LRRC3B: variants seen among roughly 807,000 people sequenced by gnomAD.
LRRC3B encodes leucine rich repeat containing 3B.
Under a neutral mutation model 12.8 loss-of-function variants are expected in LRRC3B, and 2 were observed. The ratio of observed to expected loss-of-function variants is 0.16; its 90% confidence interval spans 0.06 to 0.49. The LOEUF is 0.49. Among genes scored for constraint, LRRC3B ranks in the 20% least tolerant of loss-of-function variants. The pLI is 0.96. For missense variants in LRRC3B, 189 were observed against 319.4 expected, an observed-to-expected ratio of 0.59 and a Z score of 3.11; for synonymous variants, 132 against 122.0, an observed-to-expected ratio of 1.08 and a Z score of -0.54.
chr3:26,685,911 G>T (rs1700078449), intron 1 of LRRC3B, among the ~76,000 whole-genome samples: 1 of 151,866 alleles, frequency 6.6e-6, no homozygotes, highest in African/African-American at 2.4e-5. Flanking sequence ...TCTTTTTCTG[G>T]TGGCAAACAT....
intron 1 of LRRC3B, among the ~76,000 whole-genome samples, chr3:26,686,045 C>T (rs898870235): frequency 1.3e-5 from 2 of 152,048 alleles, no homozygotes; most frequent in Admixed American, 1.3e-4. Context: ...ATAGACTATA[C>T]CCCTTGCTTT....
intron 1 of LRRC3B, among the ~76,000 whole-genome samples, chr3:26,671,233 T>C (rs1449644078): frequency 1.4e-5 from 2 of 145,328 alleles, no homozygotes; most frequent in Non-Finnish European, 3.0e-5. Flanking sequence ...GCCGGGATGG[T>C]CTCGATCTCC....
intron 1 of LRRC3B, among the ~76,000 whole-genome samples, chr3:26,627,974 G>T (rs983643410): frequency 6.6e-6 from 1 of 152,276 alleles, no homozygotes; most frequent in African/African-American, 2.4e-5. Flanking sequence ...GGAATCCTTT[G>T]GAACCTGGGC....
At chr3:26,676,564 A>ACAAT (rs1437464204) in intron 1 of LRRC3B, among the ~76,000 whole-genome samples, 3 of 152,132 alleles carry the variant, frequency 2.0e-5, no homozygotes, top group African/African-American at 7.2e-5. Flanking sequence ...AGTTAGAATG[A>ACAAT]CAATCATTAA....
rs1265817897 is a variant in LRRC3B, at chr3:26,640,466, C to T, written c.-161+17229C>T. Among the ~76,000 whole-genome samples the T allele has an allele frequency of 4.4e-5, 6 of 136,184 alleles. No individual in the cohort carries two copies. In the South Asian group the frequency reaches 1.4e-3, roughly 32 times the overall value. The allele number at this position is 136,184 out of a possible 152,430, so 89.3% of individuals were successfully genotyped here. ...AACCCAAAAAACAAAAACAAACAAACAAATGAAAACGCTGCTTTATGCAGA... is the reference window on the plus strand; with the variant it reads ...AACCCAAAAAACAAAAACAAACAAATAAATGAAAACGCTGCTTTATGCAGA... On this transcript the variant is annotated intron_variant, in intron 1 of 1. Transcript: ENST00000396641.
At chr3:26,679,735 G>A (rs1699931705) in intron 1 of LRRC3B, among the ~76,000 whole-genome samples, 2 of 152,152 alleles carry the variant, frequency 1.3e-5, no homozygotes, top group South Asian at 2.1e-4. Context: ...TCCTCCACCA[G>A]AATGTGGAGC....
intron 1 of LRRC3B, among the ~76,000 whole-genome samples, chr3:26,631,214 G>C (rs1399633191): frequency 6.6e-6 from 1 of 152,086 alleles, no homozygotes; most frequent in Admixed American, 6.5e-5. Flanking sequence ...ATGAACATTC[G>C]CTTGTGTTTT....
At chr3:26,671,537 G>A (rs1020849146) in intron 1 of LRRC3B, among the ~76,000 whole-genome samples, 14 of 150,536 alleles carry the variant, frequency 9.3e-5, no homozygotes, top group South Asian at 6.3e-4. Flanking sequence ...GACTACAGGC[G>A]CGCGCCACCA....
At chr3:26,703,870 T>C (rs1273757630) in intron 1 of LRRC3B, among the ~76,000 whole-genome samples, 1 of 152,104 alleles carries the variant, frequency 6.6e-6, no homozygotes, top group Non-Finnish European at 1.5e-5. Flanking sequence ...TTTCATGCAC[T>C]GAATAGTTGC....
At chr3:26,685,523 C>CTATATATATATA (rs57407254) in intron 1 of LRRC3B, among the ~76,000 whole-genome samples, 3 of 38,316 alleles carry the variant, frequency 7.8e-5, no homozygotes, top group Admixed American at 4.5e-4. Flanking sequence ...CTCTCTCTCT[C>CTATATATATATA]TATATATATA....
chr3:26,670,960 A>G (rs188341160), intron 1 of LRRC3B, among the ~76,000 whole-genome samples: 1 of 151,398 alleles, frequency 6.6e-6, no homozygotes, highest in East Asian at 2.0e-4. Context: ...CATTTGCATA[A>G]TACTATACTC....
intron 1 of LRRC3B, among the ~76,000 whole-genome samples, chr3:26,645,137 T>G (rs984687822): frequency 6.6e-6 from 1 of 152,202 alleles, no homozygotes; most frequent in African/African-American, 2.4e-5. Context: ...AGACTTAGAC[T>G]TAAACTTTTC....
intron 1 of LRRC3B, among the ~76,000 whole-genome samples, chr3:26,695,975 C>T (rs1404911997): frequency 1.3e-5 from 2 of 152,182 alleles, no homozygotes; most frequent in Non-Finnish European, 2.9e-5. Flanking sequence ...AAACCTTTCT[C>T]ATTTTAAAGG....
rs189678816 is a variant in LRRC3B, at chr3:26,669,793, G to A, written c.-160-39720G>A. 3.0e-3 allele frequency among the ~76,000 whole-genome samples: 462 copies of A among 152,310 alleles called. 1 individual carries two copies. The highest frequency in any genetic ancestry group is 0.011 in the African/African-American group (445 of 41,576). ...TTTTTTGGATTTCCATAAGTGGCAT[G>A]TGCTAACAGATACCCCTCACAGGCT... On this transcript the variant is annotated intron_variant, in intron 1 of 1. Transcript: ENST00000396641.
chr3:26,707,811 TC>T (rs1700639398), intron 1 of LRRC3B, among the ~76,000 whole-genome samples: 1 of 151,884 alleles, frequency 6.6e-6, no homozygotes, highest in Non-Finnish European at 1.5e-5. Flanking sequence ...ATTCCTAGAG[TC>T]CCCAAGTACC....
chr3:26,681,787 T>A (rs1699976213), intron 1 of LRRC3B, among the ~76,000 whole-genome samples: 1 of 152,158 alleles, frequency 6.6e-6, no homozygotes, highest in Non-Finnish European at 1.5e-5. Context: ...CAAAAGTATT[T>A]CTAAAATAAG....
chr3:26,689,635 C>A (rs1239122138), intron 1 of LRRC3B, among the ~76,000 whole-genome samples: 1 of 152,176 alleles, frequency 6.6e-6, no homozygotes, highest in Non-Finnish European at 1.5e-5. Flanking sequence ...TCTCCATTTC[C>A]ATATGGACTT....
At chr3:26,710,347 G>A in exon 2 of LRRC3B, 2 of 1,614,038 alleles carry the variant, frequency 1.2e-6, no homozygotes, top group Non-Finnish European at 1.7e-6. Flanking sequence ...TATATTATGT[G>A]AGGCAAAATC....
chr3:26,642,444 GA>G (rs1699049157), intron 1 of LRRC3B, among the ~76,000 whole-genome samples: 1 of 152,128 alleles, frequency 6.6e-6, no homozygotes, highest in Non-Finnish European at 1.5e-5. Flanking sequence ...AGGAGAAGAG[GA>G]TGAATGGGAG....
Sources: allele counts gnomAD v4.1 joint callset (sites outside exome capture counted in the v4.1 genomes callset), GRCh38; gene constraint gnomAD v4.1.1; transcripts MANE v1.5; gene names NCBI Gene and HGNC (gene_info 2026-07-23, HGNC 2026-07-21).